The following SDK1 variants were observed in gnomAD, a reference collection of about 807,000 sequenced individuals.
SDK1 encodes the protein protein sidekick-1.
Under a neutral mutation model 245.5 loss-of-function variants are expected in SDK1, and 157 were observed. The ratio of observed to expected loss-of-function variants is 0.64; its 90% CI spans 0.56 to 0.73. The LOEUF is 0.73. Among genes scored for constraint, SDK1 ranks in the 30% least tolerant of loss-of-function variants. The probability of loss-of-function intolerance (pLI) is 0.00; values close to 1 mark genes in which losing one functional copy is unlikely to be tolerated. For synonymous variants in SDK1, 1,647 were observed against 1,278.5 expected, an observed-to-expected ratio of 1.29 and a Z score of -6.15; for missense variants, 3,583 against 3,002.3, an observed-to-expected ratio of 1.19 and a Z score of -4.52.
At chr7:4,137,001 T>C (rs1779138937) in intron 28 of SDK1, among the ~76,000 whole-genome samples, 1 of 152,234 alleles carries the variant, frequency 6.6e-6, no homozygotes, top group Non-Finnish European at 1.5e-5. Flanking sequence ...CAACAGCAGC[T>C]GCAGAGAGAT....
intron 2 of SDK1, among the ~76,000 whole-genome samples, chr7:3,637,914 C>G (rs1196657579): frequency 6.6e-6 from 1 of 152,252 alleles, no homozygotes; most frequent in African/African-American, 2.4e-5. Flanking sequence ...AGTTCTGTAT[C>G]TCATCCTGAA....
At chr7:3,740,708 T>C (rs74727666) in intron 4 of SDK1, among the ~76,000 whole-genome samples, 1 of 152,198 alleles carries the variant, frequency 6.6e-6, no homozygotes, top group African/African-American at 2.4e-5. Context: ...TAAAACACTT[T>C]ATAGTTTGCT....
At chr7:3,758,228 T>G (rs1779992162) in intron 4 of SDK1, among the ~76,000 whole-genome samples, 1 of 152,240 alleles carries the variant, frequency 6.6e-6, no homozygotes, top group Non-Finnish European at 1.5e-5. Flanking sequence ...TCCTAAACTT[T>G]CAGCCACCCA....
intron 16 of SDK1, among the ~76,000 whole-genome samples, chr7:4,016,389 A>C (rs2128151656): frequency 6.6e-6 from 1 of 152,378 alleles, no homozygotes; most frequent in African/African-American, 2.4e-5. Flanking sequence ...AAAGCTCAAT[A>C]AATTACCTGA....
Position 4,220,171 on chromosome 7 carries a change from G to T in SDK1, c.5602G>T (p.Asp1868Tyr), listed in dbSNP as rs1308669581. 17 of 1,613,908 alleles carry T rather than the reference G, an allele frequency of 1.1e-5. No homozygotes were observed. Among genetic ancestry groups the T allele is most frequent in the Non-Finnish European group, 1.3e-5 (15 of 1,180,002 alleles). ...CTGGCAGCGCTGGCTGAAGGTGCGG[G>T]ACCTCACCAAGGGAGTGACCTATTT... ...GNWQRWLKVR[D>Y]LTKGVTYFFR... Residue 1868 changes from aspartate to tyrosine, a missense_variant, in exon 39 of 45, where the codon GAC (aspartate) becomes TAC (tyrosine). Asp to Tyr is a radical substitution (Grantham distance 160, BLOSUM62 -3). Transcript: ENST00000404826.
rs138230069 is a variant in SDK1, at chr7:3,630,032, C to T, written c.459-8972C>T. 2.5e-4 allele frequency among the ~76,000 whole-genome samples: 38 copies of T among 152,132 alleles called. No homozygotes were observed. The East Asian group carries it at 3.1e-3, about 12-fold the overall frequency. ...ATGGGACCATCAGGAAACTAGACAT[C>T]ACAGAAGAAGATATTAATAAAGCTA... On this transcript the variant is annotated intron_variant, in intron 2 of 44. Coordinates refer to ENST00000404826, the MANE Select transcript of SDK1 (RefSeq NM_152744.4).
chr7:3,507,403 T>C (rs1370799300), intron 1 of SDK1, among the ~76,000 whole-genome samples: 1 of 152,294 alleles, frequency 6.6e-6, no homozygotes, highest in African/African-American at 2.4e-5. Context: ...AACAAGACCA[T>C]TGTGCTTTTT....
intron 44 of SDK1, among the ~76,000 whole-genome samples, chr7:4,249,592 C>T (rs1268030481): frequency 6.6e-6 from 1 of 152,228 alleles, no homozygotes; most frequent in East Asian, 1.9e-4. Context: ...ACCCCACCAG[C>T]TAGCATCCCA....
At chr7:3,377,414 C>A (rs1186702407) in intron 1 of SDK1, among the ~76,000 whole-genome samples, 2 of 152,140 alleles carry the variant, frequency 1.3e-5, no homozygotes, top group Non-Finnish European at 2.9e-5. Context: ...GGATGGACTG[C>A]AGGCTCTGGA....
intron 1 of SDK1, among the ~76,000 whole-genome samples, chr7:3,527,350 C>G (rs2272526): frequency 0.27 from 40,333 of 151,850 alleles, 5,540 homozygotes; most frequent in East Asian, 0.33. Flanking sequence ...ACACGAAGCG[C>G]GATGTGAACG....
intron 5 of SDK1, among the ~76,000 whole-genome samples, chr7:3,823,482 A>G (rs924670065): frequency 2.6e-5 from 4 of 152,114 alleles, no homozygotes; most frequent in African/African-American, 9.7e-5. Flanking sequence ...CTACCTCCCT[A>G]CTCTGTAAGG....
intron 35 of SDK1, among the ~76,000 whole-genome samples, chr7:4,202,912 T>G (rs1783973137): frequency 6.6e-6 from 1 of 151,438 alleles, no homozygotes; most frequent in Middle Eastern, 3.2e-3. Flanking sequence ...GGACATGGAG[T>G]TAGAACCATG....
chr7:3,445,109 C>G (rs1780306483), intron 1 of SDK1, among the ~76,000 whole-genome samples: 1 of 151,958 alleles, frequency 6.6e-6, no homozygotes, highest in Non-Finnish European at 1.5e-5. Context: ...TATAAAATGC[C>G]TTACTCTGTT....
chr7:3,943,916 C>A (rs1021980197), intron 5 of SDK1, among the ~76,000 whole-genome samples: 1 of 152,158 alleles, frequency 6.6e-6, no homozygotes, highest in Non-Finnish European at 1.5e-5. Flanking sequence ...AAGTGTTTGC[C>A]TTTCTGCCTC....
chr7:3,563,829 A>G (rs1180834445), intron 1 of SDK1, among the ~76,000 whole-genome samples: 2 of 152,200 alleles, frequency 1.3e-5, no homozygotes, highest in Non-Finnish European at 1.5e-5. Context: ...CCAGGAATGA[A>G]AGCAATAACA....
At chr7:3,908,582 C>T (rs1779043010) in intron 5 of SDK1, among the ~76,000 whole-genome samples, 1 of 152,020 alleles carries the variant, frequency 6.6e-6, no homozygotes, top group Non-Finnish European at 1.5e-5. Context: ...AGCCACCATT[C>T]ATCTCTTCCT....
chr7:4,050,763 T>G (rs1789389809), intron 18 of SDK1, among the ~76,000 whole-genome samples: 1 of 151,472 alleles, frequency 6.6e-6, no homozygotes, highest in Admixed American at 6.6e-5. Flanking sequence ...GAGTAGGTGC[T>G]TTCTAGAAAA....
intron 38 of SDK1, among the ~76,000 whole-genome samples, chr7:4,215,192 G>C (rs910338940): frequency 2.6e-4 from 39 of 152,248 alleles, no homozygotes; most frequent in African/African-American, 7.2e-4. Flanking sequence ...GACCAAGAGA[G>C]GATGGCAGAT....
chr7:3,533,167 G>A (rs193242066), intron 1 of SDK1, among the ~76,000 whole-genome samples: 37 of 152,336 alleles, frequency 2.4e-4, no homozygotes, highest in African/African-American at 8.2e-4. Context: ...TGCATGTGGT[G>A]TGTAACAGAG....
Sources: gnomAD v4.1 joint callset for allele counts (sites outside exome capture counted in the v4.1 genomes callset) on GRCh38, gnomAD v4.1.1 for gene constraint, MANE v1.5 for transcripts, NCBI Gene and HGNC (gene_info 2026-07-23, HGNC 2026-07-21) for gene names.